Variants in LHPP observed in about 807,000 individuals in gnomAD.
The protein encoded by LHPP is hLHPP.
In LHPP, 24 loss-of-function variants were observed where a neutral mutation model predicts 30.3. The observed-to-expected ratio is 0.79, with a 90% CI of 0.57 to 1.11. The LOEUF is 1.11. Ranked by LOEUF, LHPP falls within the 50% of genes most tolerant of loss-of-function variation. The pLI is 0.00. For synonymous variants in LHPP, 150 were observed against 157.1 expected (o/e 0.95, Z 0.34); for missense variants, 356 against 367.2 (o/e 0.97, Z 0.25).
chr10:124,541,947 C>T lies in LHPP; in HGVS notation c.716+24676C>T, dbSNP rs2133945804. 6.6e-6 allele frequency among the ~76,000 whole-genome samples: 1 copy of T among 152,178 alleles called. No individual in the cohort carries two copies. The highest frequency in any genetic ancestry group is 3.4e-3 in the Middle Eastern group (1 of 292). On this transcript the variant is annotated intron_variant, in intron 6 of 6. Coordinates refer to ENST00000368842, the MANE Select transcript of LHPP (RefSeq NM_022126.4). The surrounding 1 kb of genome is among the most constrained non-coding windows in gnomAD (Gnocchi z 4.2). ...GGTCATTCGCAGAGTGCCCTGTGCCCACATGCTGTCCCTGTCCAGACATGA... is the reference window on the plus strand; with the variant it reads ...GGTCATTCGCAGAGTGCCCTGTGCCTACATGCTGTCCCTGTCCAGACATGA...
intron 6 of LHPP, among the ~76,000 whole-genome samples, chr10:124,539,402 A>G (rs1955117865): frequency 6.6e-6 from 1 of 152,144 alleles, no homozygotes; most frequent in South Asian, 2.1e-4. Flanking sequence ...AGGCTGGCAG[A>G]TTGCTTGAGC....
intron 6 of LHPP, among the ~76,000 whole-genome samples, chr10:124,553,600 AG>A (rs1278633328): frequency 6.6e-6 from 1 of 151,988 alleles, no homozygotes; most frequent in Non-Finnish European, 1.5e-5. Context: ...CTGGGACTAC[AG>A]GTGCCCGCCA....
At position 124,541,155 on chromosome 10, in the gene LHPP, C is replaced by A. The variant is rs1360248819; in HGVS notation, c.716+23884C>A. On this transcript the variant is annotated intron_variant, in intron 6 of 6. Transcript: ENST00000368842. The surrounding 1 kb of genome is among the most constrained non-coding windows in gnomAD (Gnocchi z 4.2). Reference sequence around the variant, plus strand: ...CGCAGTGTGCCTGAGTCCTGGAGTGCGATGTATTCTGAGCCACCCAGAATG... The same window carrying A: ...CGCAGTGTGCCTGAGTCCTGGAGTGAGATGTATTCTGAGCCACCCAGAATG... Among the ~76,000 whole-genome samples, 3 of 152,116 alleles carry A rather than the reference C, an allele frequency of 2.0e-5. No individual in the cohort carries two copies. The highest frequency in any genetic ancestry group is 4.4e-5 in the Non-Finnish European group (3 of 68,022).
chr10:124,613,140 G>A (rs1044901604), intron 6 of LHPP, 124 bp from the exon 7 acceptor site: 1 of 766,704 alleles, frequency 1.3e-6, no homozygotes, highest in Middle Eastern at 2.4e-4. Context: ...GGGCCAGGCT[G>A]CCTGGCAGGA....
intron 6 of LHPP, among the ~76,000 whole-genome samples, chr10:124,570,951 G>C (rs1333645197): frequency 6.6e-6 from 1 of 152,172 alleles, no homozygotes; most frequent in Non-Finnish European, 1.5e-5. Context: ...ATGTGTTGTG[G>C]GAGGTAATTG....
intron 6 of LHPP, among the ~76,000 whole-genome samples, chr10:124,570,686 G>T (rs1267950926): frequency 1.3e-5 from 2 of 152,088 alleles, no homozygotes; most frequent in Admixed American, 6.5e-5. Context: ...GGATTCGCCC[G>T]CTCTGGGCAT....
chr10:124,509,056 A>G (rs1040281726), intron 5 of LHPP, among the ~76,000 whole-genome samples: 1 of 152,194 alleles, frequency 6.6e-6, no homozygotes, highest in African/African-American at 2.4e-5. Flanking sequence ...AGGCCCTGGT[A>G]TCTGTTGTTG....
chr10:124,522,441 C>T (rs965947451), intron 6 of LHPP, among the ~76,000 whole-genome samples: 1 of 152,216 alleles, frequency 6.6e-6, no homozygotes, highest in Admixed American at 6.5e-5. Context: ...CCTCATGATG[C>T]CATGAGTCCT....
intron 6 of LHPP, among the ~76,000 whole-genome samples, chr10:124,572,599 C>A (rs187184466): frequency 6.7e-6 from 1 of 149,650 alleles, no homozygotes; most frequent in Non-Finnish European, 1.5e-5. Flanking sequence ...CCATTGCACT[C>A]CAGCCTGGGC....
At chr10:124,532,332 G>T (rs7900348) in intron 6 of LHPP, among the ~76,000 whole-genome samples, 1 of 152,232 alleles carries the variant, frequency 6.6e-6, no homozygotes, top group Non-Finnish European at 1.5e-5. Context: ...AGGCCCTGGC[G>T]GTGGACAGAG....
chr10:124,587,006 A>G (rs2133996984), intron 6 of LHPP, among the ~76,000 whole-genome samples: 1 of 148,786 alleles, frequency 6.7e-6, no homozygotes, highest in Non-Finnish European at 1.5e-5. Context: ...GGGAAGCCCT[A>G]ATTTGTAGTG....
At chr10:124,563,705 CAAATTA>C (rs1948441376) in intron 6 of LHPP, among the ~76,000 whole-genome samples, 1 of 152,106 alleles carries the variant, frequency 6.6e-6, no homozygotes, top group Admixed American at 6.6e-5. Flanking sequence ...CAATTAGCCC[CAAATTA>C]AAAGTTTACT....
chr10:124,476,160 G>A (rs755596900), intron 1 of LHPP, among the ~76,000 whole-genome samples: 17 of 152,022 alleles, frequency 1.1e-4, no homozygotes, highest in South Asian at 4.2e-4. Flanking sequence ...CCTCATTGCC[G>A]TCCCGCTAAG....
intron 6 of LHPP, among the ~76,000 whole-genome samples, chr10:124,581,637 T>C (rs1948743128): frequency 6.6e-6 from 1 of 152,226 alleles, no homozygotes; most frequent in South Asian, 2.1e-4. Context: ...GATTTTGGTT[T>C]GCAATTCCCT....
At chr10:124,522,627 T>C (rs989840806) in intron 6 of LHPP, among the ~76,000 whole-genome samples, 9 of 152,130 alleles carry the variant, frequency 5.9e-5, no homozygotes, top group African/African-American at 1.9e-4. Flanking sequence ...TGTCCTGCCC[T>C]TGGGGCCACA....
Position 124,550,902 on chromosome 10 carries a change from T to C in LHPP, c.716+33631T>C, listed in dbSNP as rs540818945. ...CAAGCTCTGCAGCAGGGACCAGCCC[T>C]GGGTCCCACAGAGGAGGCTGGTCCA... On this transcript the variant is annotated intron_variant, in intron 6 of 6. Transcript: ENST00000368842. Among the ~76,000 whole-genome samples the C allele has an allele frequency of 3.3e-5, 5 of 152,282 alleles. No homozygotes were observed. In the East Asian group the frequency reaches 9.7e-4, roughly 29 times the overall value.
At chr10:124,473,565 G>A (rs575112199) in intron 1 of LHPP, among the ~76,000 whole-genome samples, 15 of 152,204 alleles carry the variant, frequency 9.9e-5, no homozygotes, top group Non-Finnish European at 1.8e-4. Context: ...TTAGCGTTCC[G>A]TCACCCCATT....
chr10:124,523,194 C>T lies in LHPP; in HGVS notation c.716+5923C>T, dbSNP rs906425519. Among the ~76,000 whole-genome samples, 1 of 152,256 alleles carries T rather than the reference C, an allele frequency of 6.6e-6. No homozygotes were observed. The highest frequency in any genetic ancestry group is 1.5e-5 in the Non-Finnish European group (1 of 68,052). ...TGGCAGATGTTTTATAAGCCCCGAA[C>T]GTTCTTGACAAACAGTTTGCCCTTC... On this transcript the variant is annotated intron_variant, in intron 6 of 6. Coordinates refer to ENST00000368842, the MANE Select transcript of LHPP (RefSeq NM_022126.4). This position sits in a 1 kb window ranked among gnomAD's most constrained non-coding sequence, Gnocchi z 4.2.
chr10:124,473,450 C>T (rs1952849488), intron 1 of LHPP, among the ~76,000 whole-genome samples: 1 of 152,300 alleles, frequency 6.6e-6, no homozygotes, highest in African/African-American at 2.4e-5. Flanking sequence ...TGTTGCAAAG[C>T]TTAATCCTGT....
Sources: gnomAD v4.1 joint callset for allele counts (sites outside exome capture counted in the v4.1 genomes callset) on GRCh38, gnomAD v4.1.1 for gene constraint, Gnocchi (gnomAD v3.1) non-coding constraint, MANE v1.5 for transcripts, NCBI Gene and HGNC (gene_info 2026-07-23, HGNC 2026-07-21) for gene names.